TEK: variants seen among roughly 807,000 people sequenced by gnomAD.
TEK encodes the protein angiopoietin-1 receptor.
A neutral mutation model predicts 131.8 loss-of-function variants in TEK; 43 were observed. The observed-to-expected ratio is 0.33, with a 90% CI of 0.26 to 0.42. TEK has a LOEUF of 0.42. Ranked by LOEUF, TEK falls within the 10% of genes least tolerant of loss-of-function variation. The probability of loss-of-function intolerance (pLI) is 1.00; values close to 1 mark genes in which losing one functional copy is unlikely to be tolerated. For synonymous variants in TEK, 580 were observed against 491.6 expected (o/e 1.18, Z -2.38); for missense variants, 1,162 against 1,384.4 (o/e 0.84, Z 2.55).
chr9:27,228,557 G>T (rs1034430679), intron 22 of TEK, among the ~76,000 whole-genome samples: 2 of 152,096 alleles, frequency 1.3e-5, no homozygotes, highest in Non-Finnish European at 2.9e-5. Context: ...AGAGTTGGAA[G>T]GAATTTTCGT....
At chr9:27,150,276 G>A (rs1431029282) in intron 1 of TEK, among the ~76,000 whole-genome samples, 1 of 152,096 alleles carries the variant, frequency 6.6e-6, no homozygotes, top group Non-Finnish European at 1.5e-5. Flanking sequence ...ATCACCAACT[G>A]GTCTCTTTTC....
intron 18 of TEK, among the ~76,000 whole-genome samples, chr9:27,216,878 G>A (rs960652707): frequency 6.6e-6 from 1 of 152,112 alleles, no homozygotes; most frequent in African/African-American, 2.4e-5. Context: ...TCTCCGGGAG[G>A]GAGGGATCAA....
intron 1 of TEK, among the ~76,000 whole-genome samples, chr9:27,118,895 T>C (rs1379922607): frequency 6.6e-6 from 1 of 152,176 alleles, no homozygotes; most frequent in African/African-American, 2.4e-5. Context: ...GAGGACACTG[T>C]ATCCCTGGAG....
At chr9:27,220,504 T>A (rs1194728911) in intron 21 of TEK, among the ~76,000 whole-genome samples, 2 of 152,236 alleles carry the variant, frequency 1.3e-5, no homozygotes, top group South Asian at 4.1e-4. Context: ...GGATACATTT[T>A]CGGGCTGGCA....
intron 1 of TEK, among the ~76,000 whole-genome samples, chr9:27,133,773 A>C (rs560497830): frequency 6.6e-5 from 10 of 152,270 alleles, no homozygotes; most frequent in African/African-American, 2.2e-4. Flanking sequence ...CCCCAATTTC[A>C]ACCAGAGTAA....
chr9:27,198,961 CT>C (rs895815544), intron 12 of TEK, among the ~76,000 whole-genome samples: 7 of 152,000 alleles, frequency 4.6e-5, no homozygotes, highest in African/African-American at 1.7e-4. Flanking sequence ...CCACACCTGA[CT>C]TTTTTTAAAA....
chr9:27,143,200 G>A (rs1300988990), intron 1 of TEK, among the ~76,000 whole-genome samples: 7 of 152,188 alleles, frequency 4.6e-5, no homozygotes, highest in Non-Finnish European at 1.0e-4. Flanking sequence ...AGGGGAGGGA[G>A]CGGTGATTGA....
At chr9:27,173,497 C>A (rs540746494) in intron 6 of TEK, 135 bp downstream of exon 6, 6 of 1,096,182 alleles carry the variant, frequency 5.5e-6, no homozygotes, top group Admixed American at 3.6e-5. Context: ...GATTTTGAAT[C>A]ATGGATGTTT....
intron 1 of TEK, among the ~76,000 whole-genome samples, chr9:27,135,371 A>G (rs1328151997): frequency 6.6e-6 from 1 of 152,104 alleles, no homozygotes; most frequent in Non-Finnish European, 1.5e-5. Flanking sequence ...TGGGCTCTGT[A>G]GGGTAGGTTG....
chr9:27,136,706 G>C (rs1206439722), intron 1 of TEK, among the ~76,000 whole-genome samples: 1 of 152,122 alleles, frequency 6.6e-6, no homozygotes, highest in Admixed American at 6.5e-5. Flanking sequence ...AACTTCACAA[G>C]TATCAGTCTC....
chr9:27,109,692 T>C, intron 1 of TEK, 50 bp downstream of exon 1: 1 of 1,591,398 alleles, frequency 6.3e-7, no homozygotes, highest in Non-Finnish European at 8.6e-7. Flanking sequence ...AAAACAGAGT[T>C]AGTGATTTCT....
intron 1 of TEK, among the ~76,000 whole-genome samples, chr9:27,119,814 C>T (rs371546268): frequency 2.2e-4 from 34 of 152,166 alleles, no homozygotes; most frequent in East Asian, 1.4e-3. Flanking sequence ...AATTTTTTTA[C>T]TTCTAGTGGA....
chr9:27,145,782 A>G (rs1822895107), intron 1 of TEK, among the ~76,000 whole-genome samples: 1 of 152,244 alleles, frequency 6.6e-6, no homozygotes. Context: ...TGGGGCGTTG[A>G]AGACAGAAAG....
intron 1 of TEK, among the ~76,000 whole-genome samples, chr9:27,141,135 T>C (rs1416485959): frequency 6.6e-6 from 1 of 152,176 alleles, no homozygotes; most frequent in African/African-American, 2.4e-5. Flanking sequence ...TTAAAACATT[T>C]ACCTTTAAAT....
Position 27,229,305 on chromosome 9 carries a change from T to C in TEK, c.*73T>C. On this transcript the variant is annotated 3_prime_UTR_variant, in exon 23 of 23. Coordinates refer to ENST00000380036, the MANE Select transcript of TEK (RefSeq NM_000459.5). ...ACCCTTGACACCTGCTGAGAAAACA[T>C]GCCTCTGCCAAAGGATGTGATATAT... 7.0e-7 allele frequency: 1 copy of C among 1,425,636 alleles called. No homozygotes were observed. The highest frequency in any genetic ancestry group is 9.9e-7 in the Non-Finnish European group (1 of 1,009,242). 88.3% of individuals were successfully genotyped at this position (1,425,636 alleles called of 1,614,324 possible).
At chr9:27,168,744 G>T (rs1197231675) in intron 3 of TEK, 139 bp downstream of exon 3, 1 of 719,376 alleles carries the variant, frequency 1.4e-6, no homozygotes, top group Non-Finnish European at 2.5e-6. Flanking sequence ...TTCAAATTCT[G>T]TGTATGATAG....
chr9:27,118,875 T>A (rs900830447), intron 1 of TEK, among the ~76,000 whole-genome samples: 1 of 152,162 alleles, frequency 6.6e-6, no homozygotes, highest in Non-Finnish European at 1.5e-5. Context: ...AAAGCCTCTC[T>A]TTCTTCATAG....
intron 7 of TEK, among the ~76,000 whole-genome samples, chr9:27,181,079 A>AT (rs1824353637): frequency 6.6e-6 from 1 of 151,998 alleles, no homozygotes; most frequent in Non-Finnish European, 1.5e-5. Flanking sequence ...ACAACCATTT[A>AT]TTTGCAGTTG....
chr9:27,141,769 TA>T (rs2131086759), intron 1 of TEK, among the ~76,000 whole-genome samples: 1 of 152,360 alleles, frequency 6.6e-6, no homozygotes, highest in African/African-American at 2.4e-5. Flanking sequence ...ATTAAGTGGA[TA>T]TACTTCCATT....
Sources: gnomAD v4.1 joint callset for allele counts (sites outside exome capture counted in the v4.1 genomes callset) on GRCh38, gnomAD v4.1.1 for gene constraint, MANE v1.5 for transcripts, NCBI Gene and HGNC (gene_info 2026-07-23, HGNC 2026-07-21) for gene names.